Variants in STOML1 observed in about 807,000 individuals in gnomAD.
STOML1 encodes stomatin like 1.
In STOML1, 27 loss-of-function variants were observed where a neutral mutation model predicts 35.7. The observed-to-expected ratio is 0.76, with a 90% CI of 0.56 to 1.04. The LOEUF is 1.04. STOML1 is among the 50% of genes least tolerant of loss of function. The pLI is 0.00. For missense variants in STOML1, 451 were observed against 527.1 expected (o/e 0.86, Z 1.41); for synonymous variants, 219 against 227.9 (o/e 0.96, Z 0.35).
Position 73,982,104 on chromosome 15 carries a change from GC to G in STOML1, c.*1832del, listed in dbSNP as rs1190535561. The G allele has an allele frequency of 6.6e-6, 1 of 152,324 alleles. No individual in the cohort carries two copies. 9.4% of individuals were successfully genotyped at this position (152,324 alleles called of 1,614,324 possible). On this transcript the variant is annotated 3_prime_UTR_variant, in exon 7 of 7. Transcript: ENST00000541638. ...GAAGATGCCTGGGGTTTCCTGGGCA[GC>G]CCTTCATATACTGTGTAATAGCAAT...
intron 1 of STOML1, chr15:73,991,517 G>C (rs1380032155): frequency 6.6e-6 from 3 of 451,276 alleles, no homozygotes; most frequent in African/African-American, 6.0e-5. Flanking sequence ...CAAATCCAAG[G>C]TTAGGCGGTT....
upstream of STOML1, among the ~76,000 whole-genome samples, chr15:73,994,231 C>A (rs768728231): frequency 2.0e-5 from 3 of 152,192 alleles, no homozygotes; most frequent in Non-Finnish European, 4.4e-5. Context: ...AGTTCCCAAA[C>A]AGGCTTTTGC....
chr15:73,988,656 G>A lies in STOML1; in HGVS notation c.537C>T (p.Leu179=), dbSNP rs545578587. The A allele has an allele frequency of 1.2e-6, 2 of 1,614,238 alleles. No homozygotes were observed. Among genetic ancestry groups the A allele is most frequent in the Admixed American group, 1.7e-5 (1 of 60,030 alleles). ...TAQNAMTKAL[L]KRPLREIQME... ...TCTGGATCTCCCGCAGCGGCCTCTT[G>A]AGCAGGGCCTTGGTCATGGCGTTCT... Residue 179 remains leucine (L), a synonymous_variant, in exon 4 of 7, where the codon CTC becomes CTT. Transcript: ENST00000541638. This position sits in a 1 kb window ranked among gnomAD's most constrained non-coding sequence, Gnocchi z 4.8.
In STOML1 at chr15:73,984,024, C is replaced by T; in HGVS notation, c.1110G>A (p.Leu370=). Residue 370 remains leucine (L), a synonymous_variant, in exon 7 of 7, where the codon CTG becomes CTA. Transcript: ENST00000541638. ...RALLCRELRP[L]GAYMSGRLKV... ...TCAGCCGTCCACTCATGTAGGCCCC[C>T]AGGGGCCGCAGCTCTCTGCATAGCA... 1 of 1,614,070 alleles carries T rather than the reference C, an allele frequency of 6.2e-7. No individual in the cohort carries two copies. Among genetic ancestry groups the T allele is most frequent in the Non-Finnish European group, 8.5e-7 (1 of 1,180,030 alleles).
intron 2 of STOML1, 49 bp downstream of exon 2, chr15:73,990,302 G>T: frequency 6.5e-7 from 1 of 1,548,430 alleles, no homozygotes; most frequent in Non-Finnish European, 8.9e-7. Flanking sequence ...CAATGCCAAA[G>T]CTCTCAGTGT....
In STOML1 at chr15:73,988,987, T is replaced by C; in HGVS notation, c.390+121A>G. On this transcript the variant is annotated intron_variant, in intron 3 of 6. Coordinates refer to ENST00000541638, the MANE Select transcript of STOML1 (RefSeq NM_004809.5). This position sits in a 1 kb window ranked among gnomAD's most constrained non-coding sequence, Gnocchi z 4.8. ...ATGTCCTCCTAGCTTCCATCAATTT[T>C]CTGGTCTCTTCTTCCCCCTTCCCCC... is the stretch of plus-strand genomic sequence containing the variant. The C allele has an allele frequency of 6.8e-7, 1 of 1,472,018 alleles. No homozygotes were observed. The highest frequency in any genetic ancestry group is 9.1e-7 in the Non-Finnish European group (1 of 1,099,394). 91.2% of individuals were successfully genotyped at this position (1,472,018 alleles called of 1,614,324 possible). A position where few individuals can be genotyped will look rare whatever the true frequency, so the allele number is the denominator to read the frequency against.
chr15:73,991,905 G>A (rs1425416744), intron 1 of STOML1, 186 bp downstream of exon 1: 3 of 925,456 alleles, frequency 3.2e-6, no homozygotes, highest in Non-Finnish European at 3.2e-6. Context: ...CATGACCCTA[G>A]GGAGGGCGGA....
At chr15:73,984,343 T>C (rs931583117) in intron 6 of STOML1, among the ~76,000 whole-genome samples, 1 of 152,206 alleles carries the variant, frequency 6.6e-6, no homozygotes, top group Non-Finnish European at 1.5e-5. Context: ...GAGATGACAA[T>C]TCCTAAAGCA....
Position 73,985,520 on chromosome 15 carries a change from G to A in STOML1, c.595-7C>T. 1.3e-6 allele frequency: 2 copies of A among 1,539,134 alleles called. No homozygotes were observed. Among genetic ancestry groups the A allele is most frequent in the Non-Finnish European group, 1.8e-6 (2 of 1,142,742 alleles). ...TCACATCGTTGATCTCCAGCTGGAGGACAGTGTGAGGAGAAATGTAATTAA... is the reference window on the plus strand; with the variant it reads ...TCACATCGTTGATCTCCAGCTGGAGAACAGTGTGAGGAGAAATGTAATTAA... On this transcript the variant is annotated splice_region_variant and splice_polypyrimidine_tract_variant and intron_variant, in intron 4 of 6. Coordinates refer to ENST00000541638, the MANE Select transcript of STOML1 (RefSeq NM_004809.5).
chr15:73,984,433 A>G (rs2141662721), intron 6 of STOML1, among the ~76,000 whole-genome samples: 1 of 152,322 alleles, frequency 6.6e-6, no homozygotes, highest in Non-Finnish European at 1.5e-5. Flanking sequence ...GGCCTGTAAC[A>G]CGGGCAGGCC....
chr15:73,984,784 C>T lies in STOML1; in HGVS notation c.878G>A (p.Gly293Glu). 6.2e-7 allele frequency: 1 copy of T among 1,614,084 alleles called. No homozygotes were observed. Among genetic ancestry groups the T allele is most frequent in the Non-Finnish European group, 8.5e-7 (1 of 1,180,026 alleles). Residue 293 changes from glycine to glutamate, a missense_variant, in exon 6 of 7, where the codon GGG becomes GAG. Transcript: ENST00000541638. The stretch of plus-strand genomic sequence containing the variant: ...GAAGGGCTGTAGAGCAGTCAGTAGC[C>T]CCTCCGCCAGAGGCTGCTTCGGACT... ...RSSPKQPLAE[G>E]LLTALQPFLS...
chr15:73,989,089 CA>C lies in STOML1; in HGVS notation c.390+18del, dbSNP rs2069184199. ...CAGGCCCCCAGTTCCTCTGTCAAGGCAGCTGAGAAGCCCCTCACCTTGCAGG... is the reference window on the plus strand; with the variant it reads ...CAGGCCCCCAGTTCCTCTGTCAAGGCGCTGAGAAGCCCCTCACCTTGCAGG... On this transcript the variant is annotated intron_variant, in intron 3 of 6. Transcript: ENST00000541638. 2 of 1,566,914 alleles carry C rather than the reference CA, an allele frequency of 1.3e-6. No homozygotes were observed. Among genetic ancestry groups the C allele is most frequent in the Admixed American group, 3.7e-5 (2 of 54,630 alleles).
upstream of STOML1, chr15:73,994,449 G>T: frequency 3.5e-6 from 1 of 286,358 alleles, no homozygotes; most frequent in Non-Finnish European, 6.8e-6. Context: ...CCAGCTCCCG[G>T]CAGGACGTGG....
chr15:73,987,501 C>T (rs940154731), intron 4 of STOML1: 8 of 152,214 alleles, frequency 5.3e-5, no homozygotes, highest in African/African-American at 1.9e-4. Context: ...TCAGTTTTCT[C>T]TTCCTAAAGG....
intron 1 of STOML1, chr15:73,991,640 C>G: frequency 2.2e-6 from 1 of 460,368 alleles, no homozygotes; most frequent in South Asian, 1.5e-5. Context: ...TCATTTTGGC[C>G]TGCACATCCA....
chr15:73,992,926 G>C (rs1242018465), upstream of STOML1, among the ~76,000 whole-genome samples: 2 of 152,198 alleles, frequency 1.3e-5, no homozygotes, highest in African/African-American at 4.8e-5. Flanking sequence ...GTTTCTCTGG[G>C]ACATAGTCTG....
chr15:73,988,394 G>C lies in STOML1; in HGVS notation c.594+205C>G. 1.6e-6 allele frequency: 1 copy of C among 617,412 alleles called. No homozygotes were observed. The highest frequency in any genetic ancestry group is 3.0e-5 in the Admixed American group (1 of 33,158). 38.2% of individuals were successfully genotyped at this position (617,412 alleles called of 1,614,324 possible). A position where few individuals can be genotyped will look rare whatever the true frequency, so the allele number is the denominator to read the frequency against. ...ACTTCCTCTTCTCAGGGACAAGTTT[G>C]CCCAGGATCGTTATGGTCTACGCCC... On this transcript the variant is annotated intron_variant, in intron 4 of 6. Coordinates refer to ENST00000541638, the MANE Select transcript of STOML1 (RefSeq NM_004809.5). This position sits in a 1 kb window ranked among gnomAD's most constrained non-coding sequence, Gnocchi z 4.8.
intron 5 of STOML1, 136 bp from the exon 6 acceptor site, chr15:73,985,007 T>G: frequency 9.7e-7 from 1 of 1,035,090 alleles, no homozygotes; most frequent in Non-Finnish European, 1.4e-6. Flanking sequence ...TCTGTTCAAC[T>G]TCCTCCTCTA....
At chr15:73,984,535 C>T (rs1243802635) in intron 6 of STOML1, 124 bp downstream of exon 6, 1 of 1,156,944 alleles carries the variant, frequency 8.6e-7, no homozygotes, top group Middle Eastern at 2.3e-4. Context: ...GAGCCCCTGC[C>T]TGCCATGGGT....
Sources: gnomAD v4.1 joint callset for allele counts (sites outside exome capture counted in the v4.1 genomes callset) on GRCh38, gnomAD v4.1.1 for gene constraint, Gnocchi (gnomAD v3.1) non-coding constraint, MANE v1.5 for transcripts, NCBI Gene and HGNC (gene_info 2026-07-23, HGNC 2026-07-21) for gene names.